Variants in SIPA1L3 observed in about 807,000 individuals in gnomAD.
The protein encoded by SIPA1L3 is signal-induced proliferation-associated 1-like protein 3.
A neutral mutation model predicts 150.1 loss-of-function variants in SIPA1L3; 59 were observed. That is an observed-to-expected ratio of 0.39 (90% confidence interval 0.32 to 0.49). The LOEUF is 0.49. Ranked by LOEUF, SIPA1L3 falls within the 20% of genes least tolerant of loss-of-function variation. The pLI is 0.86. For missense variants in SIPA1L3, 2,211 were observed against 2,489.5 expected (o/e 0.89, Z 2.38); for synonymous variants, 1,070 against 1,077.6 (o/e 0.99, Z 0.14).
At chr19:37,937,675 G>A (rs528578224) in intron 1 of SIPA1L3, among the ~76,000 whole-genome samples, 94 of 147,262 alleles carry the variant, frequency 6.4e-4, no homozygotes, top group African/African-American at 2.2e-3. Context: ...TCAGGAGGTT[G>A]AGGCTGCAGT....
intron 1 of SIPA1L3, among the ~76,000 whole-genome samples, chr19:37,957,541 T>TTTTTTTTTC (rs1038585125): frequency 6.7e-6 from 1 of 148,348 alleles, no homozygotes; most frequent in African/African-American, 2.4e-5. Context: ...GTGAATGGAA[T>TTTTTTTTTC]TTTTTTTTCT....
In SIPA1L3 at chr19:38,142,667, C is replaced by G; in HGVS notation, c.3490C>G (p.Pro1164Ala). 1 of 1,614,086 alleles carries G rather than the reference C, an allele frequency of 6.2e-7. No individual in the cohort carries two copies. Among genetic ancestry groups the G allele is most frequent in the Non-Finnish European group, 8.5e-7 (1 of 1,179,980 alleles). ...YRQPSGSFSTPGSATYVRYKP... is the reference protein window; with the variant it reads ...YRQPSGSFSTAGSATYVRYKP... Reference sequence around the variant, plus strand: ...ACAGCCTTCTGGGAGCTTCTCCACCCCCGGTTCGGCCACCTACGTGAGATA... The same window carrying G: ...ACAGCCTTCTGGGAGCTTCTCCACCGCCGGTTCGGCCACCTACGTGAGATA... Residue 1164 changes from proline to alanine, a missense_variant, in exon 12 of 22, where the codon CCC becomes GCC. Around this residue, in one of 5 missense-constraint regions of SIPA1L3, gnomAD observed 806 missense variants for 870.1 expected, o/e 0.93. Coordinates refer to ENST00000222345, the MANE Select transcript of SIPA1L3 (RefSeq NM_015073.3).
In SIPA1L3 at chr19:37,927,710, C is replaced by T. The variant is rs2046518617; in HGVS notation, c.-379+20352C>T. Among the ~76,000 whole-genome samples, 3 of 145,998 alleles carry T rather than the reference C, an allele frequency of 2.1e-5. No individual in the cohort carries two copies. In the East Asian group the frequency reaches 6.0e-4, roughly 29 times the overall value. ...GTGTGTGTATGCAATGTTTAGCTCT[C>T]ACTTGTAAGAACATGGGGTGTGTGT... On this transcript the variant is annotated intron_variant, in intron 1 of 21. Coordinates refer to ENST00000222345, the MANE Select transcript of SIPA1L3 (RefSeq NM_015073.3).
At chr19:37,993,689 G>T (rs1358587499) in intron 1 of SIPA1L3, among the ~76,000 whole-genome samples, 1 of 152,176 alleles carries the variant, frequency 6.6e-6, no homozygotes, top group East Asian at 1.9e-4. Flanking sequence ...TCGAGCCTTT[G>T]TGTTTCCAGA....
At chr19:37,939,613 C>A (rs1475777375) in intron 1 of SIPA1L3, among the ~76,000 whole-genome samples, 2 of 152,136 alleles carry the variant, frequency 1.3e-5, no homozygotes. Flanking sequence ...GAGACAGCTG[C>A]CCAAGCTCTA....
intron 1 of SIPA1L3, chr19:37,932,743 T>A (rs2046566787): frequency 6.6e-6 from 1 of 152,348 alleles, no homozygotes; most frequent in South Asian, 2.1e-4. Flanking sequence ...AAGTTCATCA[T>A]GTTTCTTCCT....
intron 5 of SIPA1L3, 73 bp downstream of exon 5, chr19:38,100,223 A>G: frequency 3.3e-6 from 4 of 1,199,510 alleles, no homozygotes; most frequent in Non-Finnish European, 4.5e-6. Context: ...AGCTTTTTCT[A>G]TCTTGGTCAC....
intron 6 of SIPA1L3, among the ~76,000 whole-genome samples, chr19:38,102,294 C>G (rs556709267): frequency 2.1e-5 from 3 of 142,874 alleles, no homozygotes; most frequent in Admixed American, 2.1e-4. Flanking sequence ...ATCTGCCCAC[C>G]TCGGCCTCCC....
At chr19:37,997,635 G>A (rs1468798781) in intron 1 of SIPA1L3, among the ~76,000 whole-genome samples, 2 of 147,382 alleles carry the variant, frequency 1.4e-5, no homozygotes, top group South Asian at 2.2e-4. Flanking sequence ...TCGGGAGGCC[G>A]AGGCAGGTGG....
At chr19:38,111,378 T>A (rs1970737365) in intron 8 of SIPA1L3, among the ~76,000 whole-genome samples, 1 of 152,190 alleles carries the variant, frequency 6.6e-6, no homozygotes, top group Non-Finnish European at 1.5e-5. Context: ...TTCTTTCTGA[T>A]ACTTCATATT....
In SIPA1L3 at chr19:38,047,215, CT is replaced by C. The variant is rs1434512066; in HGVS notation, c.-311+18060del. On this transcript the variant is annotated intron_variant, in intron 2 of 21. Transcript: ENST00000222345. The surrounding 1 kb of genome is among the most constrained non-coding windows in gnomAD (Gnocchi z 4.7). ...CTGCTATACTTCCTGCCAGCCTGTT[CT>C]CCCCCGCCGACACACACGCACGCAC... 3.3e-5 allele frequency among the ~76,000 whole-genome samples: 5 copies of C among 152,172 alleles called. No homozygotes were observed. The highest frequency in any genetic ancestry group is 1.2e-4 in the African/African-American group (5 of 41,428).
chr19:37,961,632 C>T (rs2046859317), intron 1 of SIPA1L3, among the ~76,000 whole-genome samples: 2 of 152,084 alleles, frequency 1.3e-5, no homozygotes, highest in Non-Finnish European at 2.9e-5. Context: ...GTTTCTTGGC[C>T]TTCTTGGATG....
chr19:38,118,225 G>A (rs1054761389), intron 8 of SIPA1L3, among the ~76,000 whole-genome samples: 1 of 151,916 alleles, frequency 6.6e-6, no homozygotes, highest in Non-Finnish European at 1.5e-5. Flanking sequence ...ACCACCCAAG[G>A]GCTCAGTGAC....
At chr19:38,087,496 C>T (rs936225244) in intron 3 of SIPA1L3, among the ~76,000 whole-genome samples, 8 of 152,160 alleles carry the variant, frequency 5.3e-5, no homozygotes, top group South Asian at 2.1e-4. Context: ...GTACAATTTC[C>T]GGTGGTGGGT....
chr19:37,958,535 A>G (rs1429106243), intron 1 of SIPA1L3, among the ~76,000 whole-genome samples: 1 of 152,234 alleles, frequency 6.6e-6, no homozygotes, highest in Non-Finnish European at 1.5e-5. Context: ...ATAGACCTAA[A>G]TGTAAGAGTT....
intron 16 of SIPA1L3, chr19:38,184,580 C>T (rs1220343967): frequency 1.3e-5 from 2 of 152,272 alleles, no homozygotes; most frequent in African/African-American, 4.8e-5. Context: ...GGTCAAGGCT[C>T]ACGTCTCTTG....
At chr19:37,940,850 G>A (rs934378897) in intron 1 of SIPA1L3, among the ~76,000 whole-genome samples, 10 of 152,062 alleles carry the variant, frequency 6.6e-5, no homozygotes, top group Non-Finnish European at 1.5e-4. Flanking sequence ...CTAAAGTGCT[G>A]GGATTGCAGG....
intron 2 of SIPA1L3, among the ~76,000 whole-genome samples, chr19:38,055,061 T>G (rs1969286109): frequency 6.6e-6 from 1 of 152,204 alleles, no homozygotes; most frequent in Non-Finnish European, 1.5e-5. Context: ...GAGGCTCACA[T>G]TCTAGCCTTG....
At chr19:37,980,348 A>G (rs967966716) in intron 1 of SIPA1L3, among the ~76,000 whole-genome samples, 6 of 152,174 alleles carry the variant, frequency 3.9e-5, no homozygotes, top group Non-Finnish European at 8.8e-5. Flanking sequence ...TTCCTTCGAC[A>G]AAAGGTAGCC....
Sources: allele counts gnomAD v4.1 joint callset (sites outside exome capture counted in the v4.1 genomes callset), GRCh38; gene constraint gnomAD v4.1.1; regional missense constraint gnomAD v4.1.1; non-coding constraint Gnocchi (gnomAD v3.1); transcripts MANE v1.5; gene names NCBI Gene and HGNC (gene_info 2026-07-23, HGNC 2026-07-21).